The following HGFAC variants were observed in gnomAD, a reference collection of about 807,000 sequenced individuals.
The protein encoded by HGFAC is HGF activator.
Under a neutral mutation model 70.6 loss-of-function variants are expected in HGFAC, and 76 were observed. The ratio of observed to expected loss-of-function variants is 1.08; its 90% CI spans 0.89 to 1.30. The LOEUF (loss-of-function observed/expected upper bound fraction) is 1.30. HGFAC is among the 50% of genes most tolerant of loss of function. The probability of loss-of-function intolerance (pLI) is 0.00; values close to 1 mark genes in which losing one functional copy is unlikely to be tolerated. For synonymous variants in HGFAC, 464 were observed against 405.3 expected, an observed-to-expected ratio of 1.14 and a Z score of -1.74; for missense variants, 1,044 against 933.7, an observed-to-expected ratio of 1.12 and a Z score of -1.54.
chr4:3,444,132 G>A lies in HGFAC; in HGVS notation c.569G>A (p.Arg190Gln), dbSNP rs570278133. ...CAGTCCTATCACTGCAGCTGCCCCCGGGCCTTCACCGGCAAGGACTGCGGC... is the reference window on the plus strand; with the variant it reads ...CAGTCCTATCACTGCAGCTGCCCCCAGGCCTTCACCGGCAAGGACTGCGGC... ...DPQSYHCSCP[R>Q]AFTGKDCGTE... The change falls in exon 5 of 14, where the codon CGG becomes CAG. Residue 190 changes from arginine (R) to glutamine (Q), a missense_variant. Physicochemically the swap from Arg to Gln is conservative, Grantham distance 43. Transcript: ENST00000382774. 95 of 1,611,350 alleles carry A rather than the reference G, an allele frequency of 5.9e-5. 1 individual carries two copies. Among genetic ancestry groups the A allele is most frequent in the Non-Finnish European group, 7.1e-5 (84 of 1,179,340 alleles).
At chr4:3,442,526 C>A (rs1210860725) in intron 1 of HGFAC, among the ~76,000 whole-genome samples, 1 of 152,090 alleles carries the variant, frequency 6.6e-6, no homozygotes, top group African/African-American at 2.4e-5. Flanking sequence ...TGGGCAGTGA[C>A]CCTGAGCAGG....
rs373460336 is a variant in HGFAC at position 3,447,644 on chromosome 4, G to C, written c.1495+13G>C. ...GACCACGACCTCGGTGAGCTCCGGCGTGTCGTGGCTGCACTCTGGGCAGGT... is the reference window on the plus strand; with the variant it reads ...GACCACGACCTCGGTGAGCTCCGGCCTGTCGTGGCTGCACTCTGGGCAGGT... On this transcript the variant is annotated intron_variant, in intron 11 of 13. Transcript: ENST00000382774. 1 of 1,612,184 alleles carries C rather than the reference G, an allele frequency of 6.2e-7. No individual in the cohort carries two copies. The highest frequency in any genetic ancestry group is 1.7e-5 in the Admixed American group (1 of 60,002).
chr4:3,448,620 C>T (rs1296340441), intron 13 of HGFAC, among the ~76,000 whole-genome samples: 3 of 152,246 alleles, frequency 2.0e-5, no homozygotes, highest in Non-Finnish European at 2.9e-5. Flanking sequence ...CGAGTTCTCT[C>T]AAGCCAGCTC....
chr4:3,448,553 G>C (rs1238763281), intron 13 of HGFAC, among the ~76,000 whole-genome samples: 1 of 152,230 alleles, frequency 6.6e-6, no homozygotes, highest in Non-Finnish European at 1.5e-5. Flanking sequence ...GTTCCTGGCT[G>C]TCCAGCCCAA....
Position 3,444,615 on chromosome 4 carries a change from G to GCC in HGFAC, c.731-4_731-3dup. On this transcript the variant is annotated splice_polypyrimidine_tract_variant and splice_region_variant and intron_variant, in intron 6 of 13. Transcript: ENST00000382774. Reference sequence around the variant, plus strand: ...GCCCCTGGCCCAGCTCCTCGGCCCTGCCCCCAGCTTGTCTGAGCAGCCCTT... The same window carrying GCC: ...GCCCCTGGCCCAGCTCCTCGGCCCTGCCCCCCCAGCTTGTCTGAGCAGCCCTT... 1 of 1,586,634 alleles carries GCC rather than the reference G, an allele frequency of 6.3e-7. No homozygotes were observed. The highest frequency in any genetic ancestry group is 8.5e-7 in the Non-Finnish European group (1 of 1,172,092).
intron 9 of HGFAC, chr4:3,445,778 G>A: frequency 8.4e-7 from 1 of 1,184,080 alleles, no homozygotes; most frequent in Admixed American, 2.0e-5. Context: ...CTGGCTGTGG[G>A]GTTCCGGGCT....
intron 3 of HGFAC, 21 bp downstream of exon 3, chr4:3,443,167 C>A: frequency 6.7e-7 from 1 of 1,484,654 alleles, no homozygotes. Flanking sequence ...GCAGCCGGGG[C>A]ACCCGAGCTG....
In HGFAC at chr4:3,444,143, G is replaced by A. The variant is rs917199559; in HGVS notation, c.580G>A (p.Gly194Ser). Reference sequence around the variant, plus strand: ...CTGCAGCTGCCCCCGGGCCTTCACCGGCAAGGACTGCGGCACAGGTGAGCT... The same window carrying A: ...CTGCAGCTGCCCCCGGGCCTTCACCAGCAAGGACTGCGGCACAGGTGAGCT... ...YHCSCPRAFT[G>S]KDCGTEKCFD... Residue 194 changes from glycine to serine, a missense_variant, in exon 5 of 14, where the codon GGC becomes AGC. Transcript: ENST00000382774. 8.1e-6 allele frequency: 13 copies of A among 1,609,944 alleles called. No individual in the cohort carries two copies. Among genetic ancestry groups the A allele is most frequent in the African/African-American group, 5.3e-5 (4 of 74,830 alleles).
intron 10 of HGFAC, 108 bp downstream of exon 10, chr4:3,446,402 C>T (rs1157195668): frequency 7.1e-6 from 10 of 1,400,522 alleles, no homozygotes; most frequent in Non-Finnish European, 9.5e-6. Flanking sequence ...GGTGCCTCTG[C>T]TGACCCCTTC....
At position 3,446,169 on chromosome 4, in the gene HGFAC, C is replaced by A. The variant is rs373005235; in HGVS notation, c.1230C>A (p.Gly410=). Reference sequence around the variant, plus strand: ...CGTTCCTGCGGCCACGTATCATCGGCGGCTCCTCCTCGCTGCCCGGCTCGC... The same window carrying A: ...CGTTCCTGCGGCCACGTATCATCGGAGGCTCCTCCTCGCTGCCCGGCTCGC... ...KRTFLRPRII[G]GSSSLPGSHP... Residue 410 remains glycine (G), a synonymous_variant, in exon 10 of 14, where the codon GGC becomes GGA. Coordinates refer to ENST00000382774, the MANE Select transcript of HGFAC (RefSeq NM_001528.4). The A allele has an allele frequency of 6.2e-7, 1 of 1,611,274 alleles. No individual in the cohort carries two copies. Among genetic ancestry groups the A allele is most frequent in the Non-Finnish European group, 8.5e-7 (1 of 1,179,562 alleles).
upstream of HGFAC, chr4:3,441,906 G>A: frequency 1.5e-6 from 1 of 661,980 alleles, no homozygotes; most frequent in Non-Finnish European, 2.4e-6. The surrounding 1 kb of genome is among the most constrained non-coding windows in gnomAD (Gnocchi z 6.0). Flanking sequence ...GACGTGGGAG[G>A]CAGCCAGGGT....
At chr4:3,445,459 T>C in intron 9 of HGFAC, 109 bp downstream of exon 9, 1 of 792,760 alleles carries the variant, frequency 1.3e-6, no homozygotes, top group South Asian at 1.5e-5. Context: ...CTCTGACAAA[T>C]GGGGAAACTG....
intron 11 of HGFAC, 129 bp downstream of exon 11, chr4:3,447,760 C>A: frequency 6.6e-7 from 1 of 1,515,982 alleles, no homozygotes; most frequent in African/African-American, 1.4e-5. Flanking sequence ...GCAGGGAGGA[C>A]AGGGCACCGC....
intron 10 of HGFAC, 96 bp downstream of exon 10, chr4:3,446,390 C>T: frequency 6.9e-7 from 1 of 1,449,206 alleles, no homozygotes; most frequent in Non-Finnish European, 9.2e-7. Context: ...GGACCCCATC[C>T]CGGTGCCTCT....
Position 3,444,389 on chromosome 4 carries a change from AAC to A in HGFAC, c.679_680del (p.Gln227ValfsTer56). 1 of 1,605,664 alleles carries A rather than the reference AAC, an allele frequency of 6.2e-7. No individual in the cohort carries two copies. Reference sequence around the variant, plus strand: ...GCCCGCGTGCGCCAGGGCCACGTGGAACAGTGCGAGTGCTTCGGGGGCCGGAC... The same window carrying A: ...GCCCGCGTGCGCCAGGGCCACGTGGAAGTGCGAGTGCTTCGGGGGCCGGAC... On this transcript the variant is annotated frameshift_variant, in exon 6 of 14. Coordinates refer to ENST00000382774, the MANE Select transcript of HGFAC (RefSeq NM_001528.4). LOFTEE classifies it high-confidence loss of function.
Position 3,444,739 on chromosome 4 carries a change from T to C in HGFAC, c.841+6T>C, listed in dbSNP as rs1453211463. The C allele has an allele frequency of 6.3e-7, 1 of 1,587,128 alleles. No individual in the cohort carries two copies. Among genetic ancestry groups the C allele is most frequent in the Non-Finnish European group, 8.5e-7 (1 of 1,171,866 alleles). On this transcript the variant is annotated splice_donor_region_variant and intron_variant, in intron 7 of 13. Coordinates refer to ENST00000382774, the MANE Select transcript of HGFAC (RefSeq NM_001528.4). ...TGGACGGCTCTGCAACATCGGTGAG[T>C]GGGTCAGCCCCCCGGGGTGCCCTGG...
At chr4:3,445,632 G>T in intron 9 of HGFAC, 1 of 601,414 alleles carries the variant, frequency 1.7e-6, no homozygotes, top group East Asian at 2.8e-5. Flanking sequence ...GCCTTTCAGG[G>T]AGGTGCAGGG....
At chr4:3,443,458 G>T (rs576769927) in intron 4 of HGFAC, 38 bp downstream of exon 4, 7 of 1,321,840 alleles carry the variant, frequency 5.3e-6, no homozygotes, top group Non-Finnish European at 6.0e-6. Flanking sequence ...CGGGCAGGGG[G>T]CACTGGGCCA....
intron 8 of HGFAC, 124 bp from the exon 9 acceptor site, chr4:3,445,141 G>A: frequency 7.8e-7 from 1 of 1,287,072 alleles, no homozygotes; most frequent in Non-Finnish European, 1.1e-6. Context: ...CCCGAGGGAG[G>A]GCCACTCTCT....
Sources: allele counts gnomAD v4.1 joint callset (sites outside exome capture counted in the v4.1 genomes callset), GRCh38; gene constraint gnomAD v4.1.1; non-coding constraint Gnocchi (gnomAD v3.1); transcripts MANE v1.5; gene names NCBI Gene and HGNC (gene_info 2026-07-23, HGNC 2026-07-21).